RGS22: variants seen among roughly 807,000 people sequenced by gnomAD.
The protein encoded by RGS22 is regulator of G-protein signaling 22.
Under a neutral mutation model 172.9 loss-of-function variants are expected in RGS22, and 148 were observed. The observed-to-expected ratio is 0.86, with a 90% CI of 0.75 to 0.98. The LOEUF is 0.98. Among genes scored for constraint, RGS22 ranks in the 50% least tolerant of loss-of-function variants. RGS22 has a pLI of 0.00. For missense variants in RGS22, 1,347 were observed against 1,440.8 expected, an observed-to-expected ratio of 0.93 and a Z score of 1.05; for synonymous variants, 458 against 480.2, an observed-to-expected ratio of 0.95 and a Z score of 0.60.
chr8:99,989,888 A>ATAGC (rs1271629750), intron 20 of RGS22, among the ~76,000 whole-genome samples: 1 of 151,004 alleles, frequency 6.6e-6, no homozygotes. Flanking sequence ...AGATAGATAG[A>ATAGC]TAGATAGATA....
intron 9 of RGS22, among the ~76,000 whole-genome samples, chr8:100,057,898 C>A (rs1233589507): frequency 6.6e-6 from 1 of 152,134 alleles, no homozygotes; most frequent in South Asian, 2.1e-4. Flanking sequence ...TCTGGAGAAA[C>A]AGAGATATGT....
chr8:100,004,728 A>G (rs1010777708), intron 16 of RGS22: 4 of 151,404 alleles, frequency 2.6e-5, no homozygotes, highest in Non-Finnish European at 5.9e-5. Context: ...TATCATAAAC[A>G]TAAGATATTC....
At chr8:100,018,229 A>G (rs1817218501) in intron 14 of RGS22, among the ~76,000 whole-genome samples, 1 of 145,166 alleles carries the variant, frequency 6.9e-6, no homozygotes, top group Non-Finnish European at 1.5e-5. Flanking sequence ...AAAAAAAAAA[A>G]GTAATGCCTG....
chr8:100,103,238 A>C lies in RGS22; in HGVS notation c.54+2136T>G, dbSNP rs544919370. ...AGCTTGAATTTTATGCTTTAGACAAAGAAAAACTGGAGTTGGCAGAAGGAA... is the reference window on the plus strand; with the variant it reads ...AGCTTGAATTTTATGCTTTAGACAACGAAAAACTGGAGTTGGCAGAAGGAA... On this transcript the variant is annotated intron_variant, in intron 2 of 27. Coordinates refer to ENST00000360863, the MANE Select transcript of RGS22 (RefSeq NM_015668.5). 3.3e-5 allele frequency among the ~76,000 whole-genome samples: 5 copies of C among 152,352 alleles called. No individual in the cohort carries two copies. The East Asian group carries it at 9.6e-4, about 29-fold the overall frequency.
intron 14 of RGS22, among the ~76,000 whole-genome samples, chr8:100,019,677 T>A (rs756955667): frequency 6.6e-6 from 1 of 152,190 alleles, no homozygotes; most frequent in African/African-American, 2.4e-5. Context: ...GAGAAAACAT[T>A]CATGCTTCAG....
chr8:100,075,681 T>C (rs1309225594), intron 4 of RGS22, among the ~76,000 whole-genome samples: 1 of 152,226 alleles, frequency 6.6e-6, no homozygotes, highest in Non-Finnish European at 1.5e-5. Context: ...GATGCTGCTA[T>C]GAACATTTGT....
intron 2 of RGS22, among the ~76,000 whole-genome samples, chr8:100,097,188 G>T (rs1813044026): frequency 6.6e-6 from 1 of 152,184 alleles, no homozygotes; most frequent in South Asian, 2.1e-4. Context: ...CAAGGAGCTT[G>T]AAGAACTTTC....
chr8:100,004,782 CTAAT>C (rs1210337629), intron 16 of RGS22: 1 of 150,920 alleles, frequency 6.6e-6, no homozygotes, highest in East Asian at 1.9e-4. Context: ...ATACAAGCTA[CTAAT>C]CTAATAATAC....
chr8:99,999,052 G>A (rs913002657), intron 19 of RGS22, among the ~76,000 whole-genome samples: 1 of 151,842 alleles, frequency 6.6e-6, no homozygotes, highest in Non-Finnish European at 1.5e-5. Flanking sequence ...TCAGTTACTT[G>A]GGAGGCTGAG....
chr8:100,083,879 C>T (rs1339461913), intron 3 of RGS22, among the ~76,000 whole-genome samples: 3 of 142,072 alleles, frequency 2.1e-5, no homozygotes, highest in East Asian at 2.0e-4. Flanking sequence ...CAGAGTCTTG[C>T]TCTGTCGCCA....
intron 14 of RGS22, among the ~76,000 whole-genome samples, chr8:100,031,798 G>A (rs980294097): frequency 6.6e-6 from 1 of 151,726 alleles, no homozygotes; most frequent in Non-Finnish European, 1.5e-5. Flanking sequence ...AGTATGTAAT[G>A]TCAAAAAAAC....
At chr8:100,051,601 ATT>A (rs536818343) in intron 10 of RGS22, among the ~76,000 whole-genome samples, 2,287 of 56,216 alleles carry the variant, frequency 0.041, 1,094 homozygotes, top group Admixed American at 0.052. Flanking sequence ...ATAAATATAT[ATT>A]TATATATGTT....
At chr8:100,082,754 C>A (rs1473357697) in intron 3 of RGS22, among the ~76,000 whole-genome samples, 2 of 152,206 alleles carry the variant, frequency 1.3e-5, no homozygotes, top group African/African-American at 2.4e-5. Flanking sequence ...GACCACTTCT[C>A]TACACCAAGT....
intron 12 of RGS22, 98 bp from the exon 13 acceptor site, chr8:100,040,185 T>C (rs1819957833): frequency 4.8e-6 from 5 of 1,049,806 alleles, no homozygotes; most frequent in Non-Finnish European, 5.6e-6. Flanking sequence ...CATGCTGTCA[T>C]TTTCCCACTG....
intron 14 of RGS22, among the ~76,000 whole-genome samples, chr8:100,030,031 T>C (rs574845840): frequency 6.6e-6 from 1 of 152,258 alleles, no homozygotes; most frequent in Admixed American, 6.5e-5. Flanking sequence ...AACACAGATA[T>C]TCAAAGGTGG....
At position 100,003,999 on chromosome 8, in the gene RGS22, T is replaced by C; in HGVS notation, c.2554A>G (p.Lys852Glu). Residue 852 changes from lysine to glutamate, a missense_variant, in exon 17 of 28, where the codon AAG (lysine) becomes GAG (glutamate). Lys to Glu is a moderately conservative substitution (Grantham distance 56). Coordinates refer to ENST00000360863, the MANE Select transcript of RGS22 (RefSeq NM_015668.5). ...DNVPAEYKHF[K>E]FSDLLNNKLE... ...TTGTTGTTAAGCAGATCACTAAACTTAAAATGCTTGTATTCTGCAGGAACA... is the reference window on the plus strand; with the variant it reads ...TTGTTGTTAAGCAGATCACTAAACTCAAAATGCTTGTATTCTGCAGGAACA... 1 of 1,612,546 alleles carries C rather than the reference T, an allele frequency of 6.2e-7. No individual in the cohort carries two copies. The highest frequency in any genetic ancestry group is 1.1e-5 in the South Asian group (1 of 90,896).
chr8:100,095,074 G>A (rs892871184), intron 2 of RGS22, among the ~76,000 whole-genome samples: 3 of 152,298 alleles, frequency 2.0e-5, no homozygotes, highest in Middle Eastern at 3.4e-3. Flanking sequence ...GCCTAGAATT[G>A]CCACCTTGTC....
chr8:100,082,656 G>C (rs1473408095), intron 3 of RGS22, among the ~76,000 whole-genome samples: 1 of 152,162 alleles, frequency 6.6e-6, no homozygotes, highest in Non-Finnish European at 1.5e-5. Flanking sequence ...AGACAATCAG[G>C]GTTATGGAAA....
At chr8:100,053,182 A>G (rs1035065586) in intron 9 of RGS22, among the ~76,000 whole-genome samples, 2 of 152,142 alleles carry the variant, frequency 1.3e-5, no homozygotes, top group Non-Finnish European at 2.9e-5. Context: ...ATTGACTCAT[A>G]CAAAAAGGCA....
Sources: allele counts gnomAD v4.1 joint callset (sites outside exome capture counted in the v4.1 genomes callset), GRCh38; gene constraint gnomAD v4.1.1; transcripts MANE v1.5; gene names NCBI Gene and HGNC (gene_info 2026-07-23, HGNC 2026-07-21).